TENM1: variants seen among roughly 807,000 people sequenced by gnomAD.
The protein encoded by TENM1 is teneurin transmembrane protein 1, also known as teneurin-1.
TENM1 carries 35 observed loss-of-function variants against 174.8 expected under a neutral mutation model. That is an observed-to-expected ratio of 0.20 (90% CI 0.15 to 0.27). The LOEUF is 0.27. TENM1 is among the 10% of genes least tolerant of loss of function. The pLI, the probability that TENM1 is intolerant of heterozygous loss-of-function variation, is 1.00. For synonymous variants in TENM1, 781 were observed against 798.7 expected, an observed-to-expected ratio of 0.98 and a Z score of 0.37; for missense variants, 1,633 against 2,130.1, an observed-to-expected ratio of 0.77 and a Z score of 4.59.
chrX:124,939,035 TG>T (rs2058287244), intron 1 of TENM1, among the ~76,000 whole-genome samples: 3 of 111,816 alleles, frequency 2.7e-5, no homozygotes, highest in Non-Finnish European at 5.6e-5. Context: ...AGAGTATTTT[TG>T]AACCCCAATC....
the TENM1 span, among the ~76,000 whole-genome samples, chrX:125,052,859 TG>T: frequency 9.0e-6 from 1 of 111,714 alleles, no homozygotes; most frequent in African/African-American, 3.3e-5. Context: ...TTTCCAAAAA[TG>T]GCACAATTTT....
chrX:124,647,465 A>C (rs1318977018), intron 8 of TENM1, among the ~76,000 whole-genome samples: 1 of 111,336 alleles, frequency 9.0e-6, no homozygotes, highest in Non-Finnish European at 1.9e-5. Context: ...CTTAGAGAAG[A>C]ATGGATTTCA....
At chrX:125,128,996 G>A in the TENM1 span, among the ~76,000 whole-genome samples, 1 of 111,060 alleles carries the variant, frequency 9.0e-6, no homozygotes, top group African/African-American at 3.3e-5. Context: ...TCATAAGGGT[G>A]ATGCCATGAT....
intron 3 of TENM1, among the ~76,000 whole-genome samples, chrX:124,844,386 A>G (rs781008568): frequency 1.2e-3 from 134 of 111,831 alleles, no homozygotes; most frequent in African/African-American, 4.0e-3. Flanking sequence ...TTATAAATGC[A>G]TGGGCTACAG....
At chrX:125,124,945 G>T in the TENM1 span, among the ~76,000 whole-genome samples, 1 of 111,951 alleles carries the variant, frequency 8.9e-6, no homozygotes, top group Non-Finnish European at 1.9e-5. Context: ...TAAAGATCTA[G>T]GTCAAAATAG....
intron 3 of TENM1, among the ~76,000 whole-genome samples, chrX:124,755,005 C>T (rs377417573): frequency 0.068 from 6,475 of 95,352 alleles, 480 homozygotes; most frequent in African/African-American, 0.17. Flanking sequence ...CTATTAGGTC[C>T]GCTTGGTGCA....
chrX:125,047,644 C>T, the TENM1 span, among the ~76,000 whole-genome samples: 1 of 111,201 alleles, frequency 9.0e-6, no homozygotes, highest in Non-Finnish European at 1.9e-5. Context: ...ATTTTTTCTA[C>T]TCATTTTGCA....
At chrX:124,737,929 A>AT (rs1189426089) in intron 3 of TENM1, among the ~76,000 whole-genome samples, 2 of 111,383 alleles carry the variant, frequency 1.8e-5, no homozygotes, top group African/African-American at 6.5e-5. Flanking sequence ...AAGGAAACAG[A>AT]TTTTTTTTCT....
At chrX:124,752,727 C>T (rs1421297108) in intron 3 of TENM1, among the ~76,000 whole-genome samples, 1 of 111,194 alleles carries the variant, frequency 9.0e-6, no homozygotes, top group Non-Finnish European at 1.9e-5. Context: ...CCAGTTTTCC[C>T]AGCACCATTT....
At chrX:125,086,106 G>A in the TENM1 span, among the ~76,000 whole-genome samples, 1 of 110,110 alleles carries the variant, frequency 9.1e-6, no homozygotes, top group Non-Finnish European at 1.9e-5. Context: ...TTTATTAAAT[G>A]ATTATTTTCC....
chrX:124,850,923 A>G (rs1430472313), intron 3 of TENM1, among the ~76,000 whole-genome samples: 1 of 111,729 alleles, frequency 9.0e-6, no homozygotes, highest in Non-Finnish European at 1.9e-5. Flanking sequence ...AAACACTATG[A>G]GAGCCAAGTT....
At position 124,521,040 on chromosome X, in the gene TENM1, T is replaced by C. The variant is rs756423457; in HGVS notation, c.3034-256A>G. Reference sequence around the variant, plus strand: ...TATTTTTTCCCCATGCCAGGAAAGATTGTGTAAGGAACAATTTCAGCTTTT... The same window carrying C: ...TATTTTTTCCCCATGCCAGGAAAGACTGTGTAAGGAACAATTTCAGCTTTT... On this transcript the variant is annotated intron_variant, in intron 17 of 31. Coordinates refer to ENST00000422452, the Ensembl canonical transcript of TENM1. Among the ~76,000 whole-genome samples the C allele has an allele frequency of 3.1e-4, 35 of 111,716 alleles. No individual in the cohort carries two copies. In the South Asian group the frequency reaches 6.5e-3, roughly 21 times the overall value.
In TENM1 at chrX:124,404,988, A is replaced by AAAC. The variant is rs765930633; in HGVS notation, c.5391+42_5391+43insGTT. 6 of 1,039,981 alleles carry AAAC rather than the reference A, an allele frequency of 5.8e-6. No individual in the cohort carries two copies. In the East Asian group the frequency reaches 9.7e-5, roughly 17 times the overall value. 85.7% of individuals were successfully genotyped at this position (1,039,981 alleles called of 1,213,427 possible). ...ACAAACAAACAAACAAACAAACAAA[A>AAAC]CACCTATAAAAGTTCTATATCTTGT... On this transcript the variant is annotated intron_variant, in intron 27 of 31. Transcript: ENST00000422452.
chrX:124,737,020 G>T (rs371267644), exon 4 of TENM1: 8 of 1,211,618 alleles, frequency 6.6e-6, no homozygotes, highest in Non-Finnish European at 8.9e-6. Context: ...TGAATCCTGC[G>T]TGCTGGTTGG....
the TENM1 span, among the ~76,000 whole-genome samples, chrX:125,021,345 C>A: frequency 9.1e-6 from 1 of 110,042 alleles, no homozygotes; most frequent in African/African-American, 3.3e-5. Context: ...CATCTGGCTG[C>A]AGCTATACCT....
intron 15 of TENM1, among the ~76,000 whole-genome samples, chrX:124,535,326 T>A (rs1354186618): frequency 9.0e-6 from 1 of 111,444 alleles, no homozygotes; most frequent in East Asian, 2.8e-4. Context: ...GCAGAAGGTA[T>A]AAACCATAAA....
At chrX:124,829,354 T>C (rs778748946) in intron 3 of TENM1, among the ~76,000 whole-genome samples, 1 of 112,419 alleles carries the variant, frequency 8.9e-6, no homozygotes, top group South Asian at 3.7e-4. Flanking sequence ...GATTTCCTGT[T>C]AAAACTGTGT....
chrX:124,838,480 G>A (rs2056434900), intron 3 of TENM1, among the ~76,000 whole-genome samples: 1 of 111,708 alleles, frequency 9.0e-6, no homozygotes, highest in African/African-American at 3.2e-5. Context: ...TATTTTCAAT[G>A]TATATAACTA....
the TENM1 span, among the ~76,000 whole-genome samples, chrX:125,154,659 C>T: frequency 2.7e-5 from 3 of 111,061 alleles, no homozygotes; most frequent in Non-Finnish European, 5.7e-5. Context: ...CACGGACCCT[C>T]GCGGTGAGTG....
Sources: gnomAD v4.1 joint callset for allele counts (sites outside exome capture counted in the v4.1 genomes callset) on GRCh38, gnomAD v4.1.1 for gene constraint, MANE v1.5 for transcripts, NCBI Gene and HGNC (gene_info 2026-07-23, HGNC 2026-07-21) for gene names.